Variants in STXBP5L observed in about 807,000 individuals in gnomAD.
STXBP5L encodes syntaxin-binding protein 5-like.
In STXBP5L, 65 loss-of-function variants were observed where a neutral mutation model predicts 144.5. That is an observed-to-expected ratio of 0.45 (90% CI 0.37 to 0.55). STXBP5L has a LOEUF of 0.55. Ranked by LOEUF, STXBP5L falls within the 20% of genes least tolerant of loss-of-function variation. The pLI, the probability that STXBP5L is intolerant of heterozygous loss-of-function variation, is 0.00. For missense variants in STXBP5L, 1,298 were observed against 1,405.5 expected (o/e 0.92, Z 1.22); for synonymous variants, 505 against 469.6 (o/e 1.08, Z -0.97).
At chr3:121,310,635 A>T (rs1026236737) in intron 19 of STXBP5L, among the ~76,000 whole-genome samples, 1 of 152,084 alleles carries the variant, frequency 6.6e-6, no homozygotes, top group Non-Finnish European at 1.5e-5. Flanking sequence ...GAGGCCAGGC[A>T]TGGTGGCTTA....
At chr3:121,196,551 A>C (rs73191427) in intron 9 of STXBP5L, among the ~76,000 whole-genome samples, 5,407 of 152,086 alleles carry the variant, frequency 0.036, 146 homozygotes, top group Middle Eastern at 0.082. Flanking sequence ...TACTTCATTA[A>C]TTTGTGCTAT....
intron 19 of STXBP5L, among the ~76,000 whole-genome samples, chr3:121,311,730 G>A: frequency 6.6e-6 from 1 of 152,178 alleles, no homozygotes; most frequent in Non-Finnish European, 1.5e-5. Flanking sequence ...ATGTTCATGG[G>A]TAGGAAGAAG....
At chr3:121,313,421 C>T (rs1201680677) in intron 19 of STXBP5L, among the ~76,000 whole-genome samples, 8 of 107,922 alleles carry the variant, frequency 7.4e-5, no homozygotes, top group Admixed American at 9.2e-5. Flanking sequence ...CCGGACTGGG[C>T]GGCTGGCCGG....
intron 3 of STXBP5L, among the ~76,000 whole-genome samples, chr3:120,971,818 G>A (rs904269459): frequency 6.6e-5 from 10 of 150,690 alleles, no homozygotes; most frequent in African/African-American, 1.7e-4. Flanking sequence ...ATATGTCTGT[G>A]CCATGGAATA....
At chr3:121,035,527 G>T (rs888111943) in intron 3 of STXBP5L, among the ~76,000 whole-genome samples, 1 of 151,780 alleles carries the variant, frequency 6.6e-6, no homozygotes, top group Non-Finnish European at 1.5e-5. Flanking sequence ...GTAGATATGT[G>T]GCTTTATTTC....
chr3:121,065,925 G>A (rs1008828577), intron 5 of STXBP5L, among the ~76,000 whole-genome samples: 1 of 152,128 alleles, frequency 6.6e-6, no homozygotes, highest in African/African-American at 2.4e-5. Context: ...TTGGCCAGAG[G>A]TGATCCTCAG....
At chr3:121,214,157 C>T (rs2048687030) in intron 10 of STXBP5L, among the ~76,000 whole-genome samples, 1 of 152,122 alleles carries the variant, frequency 6.6e-6, no homozygotes, top group Non-Finnish European at 1.5e-5. Context: ...CAAAAACCCG[C>T]ACCTGGATTC....
At chr3:121,239,326 T>C (rs1202876669) in intron 13 of STXBP5L, among the ~76,000 whole-genome samples, 1 of 151,096 alleles carries the variant, frequency 6.6e-6, no homozygotes, top group Non-Finnish European at 1.5e-5. Context: ...TATAATTTCT[T>C]ATACAGAAGG....
intron 20 of STXBP5L, among the ~76,000 whole-genome samples, chr3:121,337,585 G>C (rs1168010658): frequency 6.6e-6 from 1 of 151,868 alleles, no homozygotes; most frequent in Non-Finnish European, 1.5e-5. Context: ...CCTAAGAAAA[G>C]AGAAAGACAT....
At chr3:120,940,345 G>T (rs1710502690) in intron 2 of STXBP5L, among the ~76,000 whole-genome samples, 1 of 129,772 alleles carries the variant, frequency 7.7e-6, no homozygotes, top group African/African-American at 2.5e-5. Flanking sequence ...CAGGAAGAAA[G>T]ATGGAGTGGA....
chr3:121,374,753 A>T (rs2108669395), intron 20 of STXBP5L, among the ~76,000 whole-genome samples: 1 of 152,084 alleles, frequency 6.6e-6, no homozygotes, highest in African/African-American at 2.4e-5. Flanking sequence ...GAAATAACCC[A>T]ATCAGACAAA....
chr3:121,180,996 A>G (rs939706167), intron 9 of STXBP5L, among the ~76,000 whole-genome samples: 2 of 150,954 alleles, frequency 1.3e-5, no homozygotes, highest in Non-Finnish European at 3.0e-5. Flanking sequence ...AAGGAAAGGA[A>G]GAAAGGAAAC....
chr3:121,005,164 G>T (rs1022768452), intron 3 of STXBP5L, among the ~76,000 whole-genome samples: 1 of 152,150 alleles, frequency 6.6e-6, no homozygotes. Context: ...GAATTTGGCT[G>T]TGAATCCATC....
chr3:121,385,095 A>T (rs2046398580), intron 22 of STXBP5L, among the ~76,000 whole-genome samples: 1 of 152,098 alleles, frequency 6.6e-6, no homozygotes. Context: ...TAAAGTCAAG[A>T]TTCTCCAGAA....
At chr3:121,238,047 C>A (rs2049540106) in intron 12 of STXBP5L, among the ~76,000 whole-genome samples, 1 of 152,182 alleles carries the variant, frequency 6.6e-6, no homozygotes, top group Admixed American at 6.5e-5. Context: ...ACTCTTCCAA[C>A]CTCTACCCAT....
intron 5 of STXBP5L, among the ~76,000 whole-genome samples, chr3:121,113,120 A>C (rs962882833): frequency 2.0e-5 from 3 of 152,164 alleles, no homozygotes; most frequent in Non-Finnish European, 4.4e-5. Context: ...TAGTTCAAGG[A>C]ATAGTTCTAG....
chr3:120,953,325 C>CTTTT (rs397875191), intron 2 of STXBP5L, among the ~76,000 whole-genome samples: 31 of 105,700 alleles, frequency 2.9e-4, no homozygotes, highest in South Asian at 6.5e-4. Context: ...TCACAATTGA[C>CTTTT]TTTTTTTTTT....
At chr3:121,100,672 C>A (rs967334037) in intron 5 of STXBP5L, among the ~76,000 whole-genome samples, 3 of 151,820 alleles carry the variant, frequency 2.0e-5, no homozygotes, top group African/African-American at 4.8e-5. Context: ...GATCTAACAT[C>A]AAATCTAGAG....
At chr3:121,352,183 G>A (rs13062937) in intron 20 of STXBP5L, among the ~76,000 whole-genome samples, 73,057 of 151,668 alleles carry the variant, frequency 0.48, 18,149 homozygotes, top group East Asian at 0.71. Context: ...TTTTCGTTCC[G>A]TATGAACTTT....
Sources: gnomAD v4.1 joint callset for allele counts (sites outside exome capture counted in the v4.1 genomes callset) on GRCh38, gnomAD v4.1.1 for gene constraint, MANE v1.5 for transcripts, NCBI Gene and HGNC (gene_info 2026-07-23, HGNC 2026-07-21) for gene names.